The following ANKS6 variants were observed in gnomAD, a reference collection of about 807,000 sequenced individuals.
The protein encoded by ANKS6 is ankyrin repeat and sterile alpha motif domain containing 6, also known as ankyrin repeat and SAM domain-containing protein 6.
Under a neutral mutation model 77.9 loss-of-function variants are expected in ANKS6, and 47 were observed. That is an observed-to-expected ratio of 0.60 (90% CI 0.48 to 0.77). ANKS6 has a LOEUF of 0.77. ANKS6 is among the 30% of genes least tolerant of loss of function. ANKS6 has a pLI of 0.00. For missense variants in ANKS6, 1,150 were observed against 1,159.1 expected, an observed-to-expected ratio of 0.99 and a Z score of 0.11; for synonymous variants, 488 against 501.7, an observed-to-expected ratio of 0.97 and a Z score of 0.37.
At chr9:98,779,338 A>G (rs1834098688) in intron 6 of ANKS6, among the ~76,000 whole-genome samples, 2 of 152,170 alleles carry the variant, frequency 1.3e-5, no homozygotes, top group Non-Finnish European at 2.9e-5. Flanking sequence ...GGGCCTGTGG[A>G]CTGCAGGGAG....
Position 98,734,941 on chromosome 9 carries a change from A to G in ANKS6, c.*1578T>C. The G allele has an allele frequency of 4.1e-6, 4 of 985,486 alleles. No individual in the cohort carries two copies. Among genetic ancestry groups the G allele is most frequent in the Non-Finnish European group, 4.8e-6 (4 of 829,954 alleles). The allele number at this position is 985,486 out of a possible 1,614,324, so 61.0% of individuals were successfully genotyped here. A position where few individuals can be genotyped will look rare whatever the true frequency, so the allele number is the denominator to read the frequency against. The stretch of plus-strand genomic sequence containing the variant: ...GAATTTAAAGGAAAAACACCCAACC[A>G]TCAGGGCAGGGGAAGAAAACTACGA... On this transcript the variant is annotated 3_prime_UTR_variant, in exon 15 of 15. Coordinates refer to ENST00000353234, the MANE Select transcript of ANKS6 (RefSeq NM_173551.5).
At chr9:98,738,744 GGT>G (rs1341501335) in intron 14 of ANKS6, among the ~76,000 whole-genome samples, 2 of 151,990 alleles carry the variant, frequency 1.3e-5, no homozygotes, top group East Asian at 3.9e-4. Flanking sequence ...CCCACCACTG[GGT>G]ATCTACCCAG....
At chr9:98,762,375 G>C (rs1208223469) in intron 11 of ANKS6, among the ~76,000 whole-genome samples, 1 of 152,132 alleles carries the variant, frequency 6.6e-6, no homozygotes, top group Non-Finnish European at 1.5e-5. Flanking sequence ...TCTAAGAACA[G>C]ATATAGTTTT....
At chr9:98,753,429 A>C (rs1832532677) in intron 12 of ANKS6, among the ~76,000 whole-genome samples, 1 of 152,240 alleles carries the variant, frequency 6.6e-6, no homozygotes, top group African/African-American at 2.4e-5. Context: ...TAACGGTTAC[A>C]GATACAACCT....
chr9:98,772,452 G>A (rs907176362), intron 9 of ANKS6, among the ~76,000 whole-genome samples: 1 of 152,168 alleles, frequency 6.6e-6, no homozygotes. Flanking sequence ...GACTGTGAGA[G>A]AATACATTTC....
At chr9:98,736,953 G>A (rs1257535700) in intron 14 of ANKS6, among the ~76,000 whole-genome samples, 1 of 152,118 alleles carries the variant, frequency 6.6e-6, no homozygotes, top group African/African-American at 2.4e-5. Context: ...CCTTTCCTGC[G>A]CCTCTGTGCA....
chr9:98,775,162 AC>A (rs1833860195), intron 8 of ANKS6, among the ~76,000 whole-genome samples: 1 of 152,232 alleles, frequency 6.6e-6, no homozygotes, highest in Non-Finnish European at 1.5e-5. Context: ...CGACAAATCC[AC>A]CACCACAAAA....
At position 98,770,955 on chromosome 9, in the gene ANKS6, G is replaced by A. The variant is rs200373053; in HGVS notation, c.1913C>T (p.Ser638Leu). Reference protein sequence around the residue: ...SGNFNHSPHSSGGSSGVGVSR... With the variant: ...SGNFNHSPHSLGGSSGVGVSR... ...CACACCTACCCCACTGGAGCCGCCC[G>A]ATGAATGAGGCGAGTGGTTGAAGTT... is the stretch of plus-strand genomic sequence containing the variant. Residue 638 changes from serine (S) to leucine (L), a missense_variant, in exon 10 of 15, where the codon TCG becomes TTG. Physicochemically the swap from Ser to Leu is moderately radical, Grantham distance 145. Coordinates refer to ENST00000353234, the MANE Select transcript of ANKS6 (RefSeq NM_173551.5). The A allele has an allele frequency of 2.0e-5, 32 of 1,595,688 alleles. No individual in the cohort carries two copies. The highest frequency in any genetic ancestry group is 9.4e-5 in the African/African-American group (7 of 74,378).
In ANKS6 at chr9:98,740,021, G is replaced by T. The variant is rs899125804; in HGVS notation, c.2512-3398C>A. On this transcript the variant is annotated intron_variant, in intron 14 of 14. Transcript: ENST00000353234. ...CCGCCCGCCTCGGCCTCCCAAAGTG[G>T]GATTAAACATATTTTTAAAAATTAA... is the stretch of plus-strand genomic sequence containing the variant. 2.6e-5 allele frequency among the ~76,000 whole-genome samples: 4 copies of T among 151,812 alleles called. No individual in the cohort carries two copies. The South Asian group carries it at 6.2e-4, about 24-fold the overall frequency.
In ANKS6 at chr9:98,732,265, C is replaced by T. The variant is rs1054437988; in HGVS notation, c.*4254G>A. On this transcript the variant is annotated 3_prime_UTR_variant, in exon 15 of 15. Transcript: ENST00000353234. The stretch of plus-strand genomic sequence containing the variant: ...GCGTTATCCAAAGTTGTCCAGCCTC[C>T]GGCCTGGCCCATGTCTTCAGGCAGC... 8 of 578,024 alleles carry T rather than the reference C, an allele frequency of 1.4e-5. No individual in the cohort carries two copies. Among genetic ancestry groups the T allele is most frequent in the Admixed American group, 6.2e-5 (2 of 32,114 alleles). 35.8% of individuals were successfully genotyped at this position (578,024 alleles called of 1,614,324 possible). A position where few individuals can be genotyped will look rare whatever the true frequency, so the allele number is the denominator to read the frequency against.
At chr9:98,761,033 C>G (rs907918480) in intron 11 of ANKS6, among the ~76,000 whole-genome samples, 1 of 152,208 alleles carries the variant, frequency 6.6e-6, no homozygotes, top group Non-Finnish European at 1.5e-5. Context: ...AGTAGTTCCA[C>G]ATTTGTCACC....
chr9:98,746,416 T>C (rs1832134602), intron 13 of ANKS6, among the ~76,000 whole-genome samples: 1 of 152,162 alleles, frequency 6.6e-6, no homozygotes, highest in South Asian at 2.1e-4. Context: ...AATCCAGGTC[T>C]ACTGGGAAGC....
chr9:98,765,866 T>C (rs1426902077), intron 11 of ANKS6, among the ~76,000 whole-genome samples: 1 of 152,224 alleles, frequency 6.6e-6, no homozygotes, highest in African/African-American at 2.4e-5. Flanking sequence ...AGGAGGCTCA[T>C]ATGTTGAATA....
At chr9:98,752,763 C>T (rs1832499075) in intron 12 of ANKS6, among the ~76,000 whole-genome samples, 1 of 152,124 alleles carries the variant, frequency 6.6e-6, no homozygotes, top group Admixed American at 6.5e-5. Context: ...GGTCTAGCTA[C>T]CAGGCCTGTG....
Position 98,784,014 on chromosome 9 carries a change from C to A in ANKS6, c.1051G>T (p.Asp351Tyr). 1.9e-6 allele frequency: 3 copies of A among 1,611,020 alleles called. No individual in the cohort carries two copies. The highest frequency in any genetic ancestry group is 2.5e-6 in the Non-Finnish European group (3 of 1,179,364). ...LVQLLVERHA[D>Y]VDKQDSVHGW... The stretch of plus-strand genomic sequence containing the variant: ...TGCACGCTGTCCTGCTTGTCAACAT[C>A]CGCGTGCCTCTCCACCAGCAGCTGC... Residue 351 changes from aspartate to tyrosine, a missense_variant, in exon 4 of 15, where the codon GAT becomes TAT. By Grantham distance (160) the Asp-to-Tyr change is radical. Coordinates refer to ENST00000353234, the MANE Select transcript of ANKS6 (RefSeq NM_173551.5).
Position 98,786,443 on chromosome 9 carries a change from C to T in ANKS6, c.863-1567G>A, listed in dbSNP as rs554939853. On this transcript the variant is annotated intron_variant, in intron 2 of 14. Coordinates refer to ENST00000353234, the MANE Select transcript of ANKS6 (RefSeq NM_173551.5). Reference sequence around the variant, plus strand: ...AACAGCTGGGATTACAGGCACCCACCACCGCATCTGGCTAATTTTTGTATT... The same window carrying T: ...AACAGCTGGGATTACAGGCACCCACTACCGCATCTGGCTAATTTTTGTATT... 1.2e-4 allele frequency among the ~76,000 whole-genome samples: 19 copies of T among 152,158 alleles called. 1 individual carries two copies. In the South Asian group the frequency reaches 1.7e-3, roughly 13 times the overall value.
chr9:98,780,356 T>C lies in ANKS6; in HGVS notation c.1220-19A>G. 6.4e-7 allele frequency: 1 copy of C among 1,564,186 alleles called. No homozygotes were observed. Among genetic ancestry groups the C allele is most frequent in the African/African-American group, 1.3e-5 (1 of 74,316 alleles). On this transcript the variant is annotated intron_variant, in intron 5 of 14. Coordinates refer to ENST00000353234, the MANE Select transcript of ANKS6 (RefSeq NM_173551.5). ...TCCGTGTCTATGGACACAAAAGGCA[T>C]CATTTTACCTGCAAATATGTCTGTT...
Position 98,732,283 on chromosome 9 carries a change from C to G in ANKS6, c.*4236G>C. The G allele has an allele frequency of 1.6e-6, 1 of 611,956 alleles. No individual in the cohort carries two copies. The highest frequency in any genetic ancestry group is 2.0e-5 in the South Asian group (1 of 50,196). The allele number at this position is 611,956 out of a possible 1,614,324, so 37.9% of individuals were successfully genotyped here. A position where few individuals can be genotyped will look rare whatever the true frequency, so the allele number is the denominator to read the frequency against. ...CAGCCTCCGGCCTGGCCCATGTCTT[C>G]AGGCAGCTCTGAGGCAAGAATAAAA... On this transcript the variant is annotated 3_prime_UTR_variant, in exon 15 of 15. Transcript: ENST00000353234.
At chr9:98,736,705 G>C in intron 14 of ANKS6, 82 bp from the exon 15 acceptor site, 1 of 1,482,136 alleles carries the variant, frequency 6.7e-7, no homozygotes, top group Admixed American at 2.0e-5. Context: ...TGTTGTTAAT[G>C]TTCAACTCAT....
Sources: allele counts gnomAD v4.1 joint callset (sites outside exome capture counted in the v4.1 genomes callset), GRCh38; gene constraint gnomAD v4.1.1; transcripts MANE v1.5; gene names NCBI Gene and HGNC (gene_info 2026-07-23, HGNC 2026-07-21).